The following AMZ1 variants were observed in gnomAD, a reference collection of about 807,000 sequenced individuals.
AMZ1 encodes the protein archaelysin family metallopeptidase 1.
A neutral mutation model predicts 29.9 loss-of-function variants in AMZ1; 39 were observed. The ratio of observed to expected loss-of-function variants is 1.30; its 90% CI spans 1.01 to 1.70. The LOEUF (loss-of-function observed/expected upper bound fraction) is 1.70, where lower values mean the gene tolerates loss of function less well. AMZ1 is among the 40% of genes most tolerant of loss of function. The probability of loss-of-function intolerance (pLI) is 0.00; values close to 1 mark genes in which losing one functional copy is unlikely to be tolerated. For missense variants in AMZ1, 1,041 were observed against 680.6 expected (o/e 1.53, Z -5.89); for synonymous variants, 458 against 304.0 (o/e 1.51, Z -5.27).
chr7:2,719,681 CA>C lies in AMZ1; in HGVS notation c.*6805del, dbSNP rs1187114473. On this transcript the variant is annotated 3_prime_UTR_variant, in exon 7 of 7. Coordinates refer to ENST00000683327, the MANE Select transcript of AMZ1 (RefSeq NM_001384743.1). ...CAAAATTAATAAATGCTATCAACCCCAATTTTTTTTTTTTTTGAGATGGAGT... is the reference window on the plus strand; with the variant it reads ...CAAAATTAATAAATGCTATCAACCCCATTTTTTTTTTTTTTGAGATGGAGT... Among the ~76,000 whole-genome samples, 6 of 99,428 alleles carry C rather than the reference CA, an allele frequency of 6.0e-5. No homozygotes were observed. In the East Asian group the frequency reaches 1.3e-3, roughly 22 times the overall value. 65.2% of individuals were successfully genotyped at this position (99,428 alleles called of 152,430 possible). A position where few individuals can be genotyped will look rare whatever the true frequency, so the allele number is the denominator to read the frequency against.
In AMZ1 at chr7:2,712,324, T is replaced by G; in HGVS notation, c.949-6T>G. 6.4e-7 allele frequency: 1 copy of G among 1,561,836 alleles called. No homozygotes were observed. Reference sequence around the variant, plus strand: ...AGCAAACTCAGCCTGTGTTTCTCCCTCTTAGAGACTCTACACCTGGACTCA... The same window carrying G: ...AGCAAACTCAGCCTGTGTTTCTCCCGCTTAGAGACTCTACACCTGGACTCA... On this transcript the variant is annotated splice_polypyrimidine_tract_variant and splice_region_variant and intron_variant, in intron 6 of 6. Transcript: ENST00000683327.
intron 1 of AMZ1, among the ~76,000 whole-genome samples, chr7:2,689,944 G>A (rs1165065634): frequency 6.6e-6 from 1 of 152,178 alleles, no homozygotes; most frequent in Non-Finnish European, 1.5e-5. Flanking sequence ...GTGGTCTTGT[G>A]CAGAAATGAC....
At chr7:2,744,917 A>C (rs1359452254) in intron 4 of AMZ1, among the ~76,000 whole-genome samples, 1 of 152,180 alleles carries the variant, frequency 6.6e-6, no homozygotes, top group Non-Finnish European at 1.5e-5. Flanking sequence ...GAAAGGGTAT[A>C]AGTGATGGAA....
upstream of AMZ1, among the ~76,000 whole-genome samples, chr7:2,763,845 G>A (rs886555222): frequency 6.6e-6 from 1 of 152,230 alleles, no homozygotes; most frequent in Non-Finnish European, 1.5e-5. Context: ...CCCACTCAGT[G>A]GCCTCCATGG....
chr7:2,686,483 G>A (rs982503603), upstream of AMZ1, among the ~76,000 whole-genome samples: 3 of 152,112 alleles, frequency 2.0e-5, no homozygotes, highest in Non-Finnish European at 2.9e-5. Flanking sequence ...ACAGTGACTC[G>A]CGTTTATACC....
At position 2,743,250 on chromosome 7, in the gene AMZ1, G is replaced by C. The variant is rs1486146642; in HGVS notation, n.551-21462G>C. ...CAACCACCAGCACAGGCATGACCAA[G>C]TTGGCAGTTTGGGTCTCACCAAGTT... is the stretch of plus-strand genomic sequence containing the variant. On this transcript the variant is annotated intron_variant and non_coding_transcript_variant, in intron 4 of 4. Coordinates refer to the AMZ1 transcript ENST00000489665. 5.3e-5 allele frequency among the ~76,000 whole-genome samples: 8 copies of C among 152,328 alleles called. No homozygotes were observed. In the East Asian group the frequency reaches 5.8e-4, roughly 11 times the overall value.
intron 4 of AMZ1, among the ~76,000 whole-genome samples, chr7:2,725,384 G>A (rs1789577648): frequency 6.6e-6 from 1 of 152,256 alleles, no homozygotes; most frequent in African/African-American, 2.4e-5. Flanking sequence ...CCAGGGAGCA[G>A]TGACCTGTGT....
intron 6 of AMZ1, among the ~76,000 whole-genome samples, chr7:2,711,090 C>A (rs923604274): frequency 6.6e-6 from 1 of 152,224 alleles, no homozygotes; most frequent in Non-Finnish European, 1.5e-5. Context: ...TGGATCTGAG[C>A]TGGAGGGTGT....
chr7:2,699,989 A>T (rs1185855574), intron 1 of AMZ1, among the ~76,000 whole-genome samples: 1 of 152,070 alleles, frequency 6.6e-6, no homozygotes, highest in Non-Finnish European at 1.5e-5. Context: ...TCTGGAAGAG[A>T]CTGTGACCGT....
chr7:2,729,710 A>G (rs1303025796), intron 4 of AMZ1: 2 of 152,424 alleles, frequency 1.3e-5, no homozygotes, highest in Admixed American at 1.3e-4. Context: ...TGACTGAGCC[A>G]CAGCAACATT....
At chr7:2,691,376 G>T (rs953792676) in intron 1 of AMZ1, among the ~76,000 whole-genome samples, 2 of 148,310 alleles carry the variant, frequency 1.3e-5, no homozygotes, top group Non-Finnish European at 2.9e-5. Flanking sequence ...CCCTCTCTGA[G>T]CCTCAGTCTC....
In AMZ1 at chr7:2,731,587, G is replaced by C; in HGVS notation, n.550+21771G>C. ...GCTGGAGGAGACCATGAACAGGATGGACGTGATCCCGTCGAAGCACTGGAA... is the reference window on the plus strand; with the variant it reads ...GCTGGAGGAGACCATGAACAGGATGCACGTGATCCCGTCGAAGCACTGGAA... On this transcript the variant is annotated intron_variant and non_coding_transcript_variant, in intron 4 of 4. Transcript: ENST00000489665. The surrounding 1 kb of genome is among the most constrained non-coding windows in gnomAD (Gnocchi z 6.0). 2 of 1,613,756 alleles carry C rather than the reference G, an allele frequency of 1.2e-6. No individual in the cohort carries two copies. Among genetic ancestry groups the C allele is most frequent in the Non-Finnish European group, 1.7e-6 (2 of 1,179,826 alleles).
At chr7:2,704,485 A>T (rs1788234866) in intron 3 of AMZ1, among the ~76,000 whole-genome samples, 1 of 10,702 alleles carries the variant, frequency 9.3e-5, no homozygotes, top group African/African-American at 3.1e-4. Context: ...CCGATCATTA[A>T]AAAAAAATCA....
chr7:2,744,045 C>G (rs1790642828), intron 4 of AMZ1, among the ~76,000 whole-genome samples: 1 of 152,226 alleles, frequency 6.6e-6, no homozygotes. Context: ...GTGGAGCCCA[C>G]CACAGCTCAA....
At chr7:2,762,603 C>T (rs768747062), upstream of AMZ1, 1 of 1,522,444 alleles carries the variant, frequency 6.6e-7, no homozygotes, top group Non-Finnish European at 8.8e-7. Flanking sequence ...CAAAAAAGGA[C>T]AATCCCCTTC....
At position 2,718,870 on chromosome 7, in the gene AMZ1, G is replaced by A. The variant is rs915506113; in HGVS notation, c.*5992G>A. ...GGGAGTCACAGAAACCACGGGAAAC[G>A]GAGTGGGTTGGAAGAGGCAGAGAAC... On this transcript the variant is annotated 3_prime_UTR_variant, in exon 7 of 7. Transcript: ENST00000683327. Among the ~76,000 whole-genome samples, 5 of 152,184 alleles carry A rather than the reference G, an allele frequency of 3.3e-5. No individual in the cohort carries two copies. Among genetic ancestry groups the A allele is most frequent in the African/African-American group, 4.8e-5 (2 of 41,452 alleles).
intron 4 of AMZ1, among the ~76,000 whole-genome samples, chr7:2,746,696 C>T (rs1015029535): frequency 2.6e-5 from 4 of 151,878 alleles, no homozygotes; most frequent in Admixed American, 1.3e-4. Context: ...AATAGAGACA[C>T]AAAAAACCCT....
intron 1 of AMZ1, among the ~76,000 whole-genome samples, chr7:2,699,301 A>T (rs1054904434): frequency 6.6e-6 from 1 of 152,142 alleles, no homozygotes; most frequent in Non-Finnish European, 1.5e-5. Flanking sequence ...CGGTCAGAGC[A>T]TCTGTTTTGC....
chr7:2,757,553 C>T (rs567593613), intron 4 of AMZ1, among the ~76,000 whole-genome samples: 33 of 152,276 alleles, frequency 2.2e-4, no homozygotes, highest in Non-Finnish European at 1.6e-4. Flanking sequence ...GATGGGAACG[C>T]GGCCAGGTGC....
Sources: allele counts gnomAD v4.1 joint callset (sites outside exome capture counted in the v4.1 genomes callset), GRCh38; gene constraint gnomAD v4.1.1; non-coding constraint Gnocchi (gnomAD v3.1); transcripts MANE v1.5; gene names NCBI Gene and HGNC (gene_info 2026-07-23, HGNC 2026-07-21).